Variants in CMTM8 observed in about 807,000 individuals in gnomAD.
CMTM8 encodes the protein CKLF-like MARVEL transmembrane domain-containing protein 8.
CMTM8 carries 12 observed loss-of-function variants against 18.6 expected under a neutral mutation model. That is an observed-to-expected ratio of 0.65 (90% CI 0.41 to 1.05). The LOEUF is 1.05. CMTM8 is among the 50% of genes least tolerant of loss of function. The pLI is 0.00. For missense variants in CMTM8, 217 were observed against 227.2 expected (o/e 0.95, Z 0.29); for synonymous variants, 87 against 90.6 (o/e 0.96, Z 0.23).
chr3:32,319,095 T>TTTTTTTTTTTTTTA (rs1695993332), intron 1 of CMTM8, among the ~76,000 whole-genome samples: 1 of 129,890 alleles, frequency 7.7e-6, no homozygotes, highest in Admixed American at 8.0e-5. Flanking sequence ...TTTTTTTTTT[T>TTTTTTTTTTTTTTA]GAGACAGAGT....
intron 1 of CMTM8, among the ~76,000 whole-genome samples, chr3:32,272,914 T>A (rs1302067623): frequency 6.6e-6 from 1 of 152,182 alleles, no homozygotes; most frequent in African/African-American, 2.4e-5. Context: ...CCCACCACCC[T>A]GTACCTAGAT....
chr3:32,267,270 A>C (rs917819146), intron 1 of CMTM8, among the ~76,000 whole-genome samples: 4 of 152,236 alleles, frequency 2.6e-5, no homozygotes, highest in African/African-American at 9.6e-5. Flanking sequence ...CCAATGGAAC[A>C]GAACAGAGCC....
intron 1 of CMTM8, among the ~76,000 whole-genome samples, chr3:32,293,077 GTATATA>G (rs61467491): frequency 1.4e-5 from 2 of 145,736 alleles, no homozygotes; most frequent in Admixed American, 6.9e-5. Context: ...ATATGTGTGT[GTATATA>G]TATATATATA....
Position 32,357,397 on chromosome 3 carries a change from C to T in CMTM8, c.172C>T (p.Leu58Phe). 3 of 1,613,972 alleles carry T rather than the reference C, an allele frequency of 1.9e-6. No homozygotes were observed. The highest frequency in any genetic ancestry group is 2.5e-6 in the Non-Finnish European group (3 of 1,179,994). The change falls in exon 2 of 4, where the codon CTT becomes TTT. Residue 58 changes from leucine (L) to phenylalanine (F), a missense_variant. Coordinates refer to ENST00000307526, the MANE Select transcript of CMTM8 (RefSeq NM_178868.5). Reference protein sequence around the residue: ...EIVLGLLVWTLIAGTEYFRVP... With the variant: ...EIVLGLLVWTFIAGTEYFRVP... Reference sequence around the variant, plus strand: ...GGTTCTGGGGCTGCTGGTATGGACGCTTATTGCTGGAACTGAGTACTTCCG... The same window carrying T: ...GGTTCTGGGGCTGCTGGTATGGACGTTTATTGCTGGAACTGAGTACTTCCG...
intron 2 of CMTM8, among the ~76,000 whole-genome samples, chr3:32,363,685 T>C (rs1696977264): frequency 6.6e-6 from 1 of 152,236 alleles, no homozygotes; most frequent in Admixed American, 6.5e-5. Flanking sequence ...CTTCTTCTAG[T>C]TGCTTATCAT....
At chr3:32,249,246 T>C (rs563540051) in intron 1 of CMTM8, among the ~76,000 whole-genome samples, 1 of 151,500 alleles carries the variant, frequency 6.6e-6, no homozygotes, top group East Asian at 2.0e-4. Context: ...CTAGGCAACA[T>C]GGTGGAACCC....
chr3:32,345,106 G>A (rs1037226752), intron 1 of CMTM8, among the ~76,000 whole-genome samples: 1 of 152,314 alleles, frequency 6.6e-6, no homozygotes, highest in Non-Finnish European at 1.5e-5. Flanking sequence ...GGATTTGGGA[G>A]GCCGAGGTGG....
chr3:32,334,020 G>A (rs1001152252), intron 1 of CMTM8, among the ~76,000 whole-genome samples: 1 of 150,816 alleles, frequency 6.6e-6, no homozygotes, highest in Non-Finnish European at 1.5e-5. Flanking sequence ...CTCTGTCACC[G>A]AGGCTGGGGT....
chr3:32,310,399 A>T lies in CMTM8; in HGVS notation c.148-46974A>T, dbSNP rs1695797163. On this transcript the variant is annotated intron_variant, in intron 1 of 3. Transcript: ENST00000307526. ...CCTGAGCTGTAGATACACTGTCTGG[A>T]GATGCTTTAGAGATCTCCCATCCAG... Among the ~76,000 whole-genome samples the T allele has an allele frequency of 2.6e-5, 4 of 152,178 alleles. No individual in the cohort carries two copies. The South Asian group carries it at 8.3e-4, about 32-fold the overall frequency.
chr3:32,281,952 A>G (rs1286581854), intron 1 of CMTM8, among the ~76,000 whole-genome samples: 1 of 152,060 alleles, frequency 6.6e-6, no homozygotes, highest in African/African-American at 2.4e-5. Context: ...AACTGTAAAT[A>G]CAAGAGTGCC....
chr3:32,311,285 A>G (rs1253140064), intron 1 of CMTM8, among the ~76,000 whole-genome samples: 1 of 152,254 alleles, frequency 6.6e-6, no homozygotes, highest in Non-Finnish European at 1.5e-5. Flanking sequence ...AGTGTCTACA[A>G]ATAGTTTTAT....
At chr3:32,243,255 G>C (rs1701966168) in intron 1 of CMTM8, among the ~76,000 whole-genome samples, 1 of 151,724 alleles carries the variant, frequency 6.6e-6, no homozygotes, top group Admixed American at 6.6e-5. Flanking sequence ...TGTTGGTCAG[G>C]CGTGGTGGTT....
intron 1 of CMTM8, among the ~76,000 whole-genome samples, chr3:32,332,407 G>A (rs1696297830): frequency 6.6e-6 from 1 of 152,024 alleles, no homozygotes; most frequent in Non-Finnish European, 1.5e-5. Flanking sequence ...AGCTGGGATA[G>A]AATCTCAAGC....
At chr3:32,280,941 C>T (rs931132773) in intron 1 of CMTM8, among the ~76,000 whole-genome samples, 12 of 150,328 alleles carry the variant, frequency 8.0e-5, no homozygotes, top group Non-Finnish European at 1.2e-4. Context: ...GAGAGATTAT[C>T]GTGACCTAAG....
intron 1 of CMTM8, among the ~76,000 whole-genome samples, chr3:32,292,997 T>C (rs71323077): frequency 0.13 from 20,009 of 152,010 alleles, 1,374 homozygotes; most frequent in Non-Finnish European, 0.15. Flanking sequence ...TAGATAGATA[T>C]ATATCCATGT....
intron 1 of CMTM8, among the ~76,000 whole-genome samples, chr3:32,268,107 G>A (rs1166928343): frequency 6.6e-6 from 1 of 152,162 alleles, no homozygotes; most frequent in East Asian, 1.9e-4. Flanking sequence ...TATACCCAAA[G>A]GATTATAAAT....
chr3:32,318,088 C>G (rs1349726214), intron 1 of CMTM8, among the ~76,000 whole-genome samples: 1 of 146,038 alleles, frequency 6.8e-6, no homozygotes, highest in Non-Finnish European at 1.5e-5. Context: ...AGAATGCGTT[C>G]TAAGTTCTTA....
intron 1 of CMTM8, among the ~76,000 whole-genome samples, chr3:32,249,030 CTT>C (rs58156524): frequency 4.8e-5 from 3 of 62,462 alleles, no homozygotes; most frequent in African/African-American, 2.1e-4. Context: ...AATGTGGAAT[CTT>C]TTTTTTTTTT....
At chr3:32,266,556 C>A (rs1486120266) in intron 1 of CMTM8, among the ~76,000 whole-genome samples, 2 of 152,180 alleles carry the variant, frequency 1.3e-5, no homozygotes, top group South Asian at 2.1e-4. Flanking sequence ...GACAGGGATG[C>A]CCTCTCTCAC....
Sources: allele counts gnomAD v4.1 joint callset (sites outside exome capture counted in the v4.1 genomes callset), GRCh38; gene constraint gnomAD v4.1.1; transcripts MANE v1.5; gene names NCBI Gene and HGNC (gene_info 2026-07-23, HGNC 2026-07-21).